Variants in FUT8 observed in about 807,000 individuals in gnomAD.
The protein encoded by FUT8 is alpha-(1,6)-fucosyltransferase.
Under a neutral mutation model 71.3 loss-of-function variants are expected in FUT8, and 29 were observed. The observed-to-expected ratio is 0.41, with a 90% CI of 0.30 to 0.55. The LOEUF is 0.55. FUT8 is among the 20% of genes least tolerant of loss of function. The pLI is 0.34. For synonymous variants in FUT8, 254 were observed against 239.3 expected, an observed-to-expected ratio of 1.06 and a Z score of -0.57; for missense variants, 544 against 702.1, an observed-to-expected ratio of 0.77 and a Z score of 2.55.
At chr14:65,653,845 GA>G (rs1412515356) in intron 6 of FUT8, among the ~76,000 whole-genome samples, 2 of 152,146 alleles carry the variant, frequency 1.3e-5, no homozygotes, top group African/African-American at 4.8e-5. Flanking sequence ...ACCTTGTGCT[GA>G]AAGGAAAGAA....
Position 65,660,135 on chromosome 14 carries a change from TG to T in FUT8, c.598-9106del, listed in dbSNP as rs1173629471. Among the ~76,000 whole-genome samples, 3 of 152,180 alleles carry T rather than the reference TG, an allele frequency of 2.0e-5. No homozygotes were observed. The highest frequency in any genetic ancestry group is 4.4e-5 in the Non-Finnish European group (3 of 68,026). The stretch of plus-strand genomic sequence containing the variant: ...TCATTAATTATCTGCCTTTCCTTTG[TG>T]GCCCTTCTGATGGCAGAAAAATATT... On this transcript the variant is annotated intron_variant, in intron 6 of 10. Coordinates refer to ENST00000673929, the MANE Select transcript of FUT8 (RefSeq NM_001371533.1). The surrounding 1 kb of genome is among the most constrained non-coding windows in gnomAD (Gnocchi z 4.1).
intron 2 of FUT8, among the ~76,000 whole-genome samples, chr14:65,518,863 G>A (rs1294722541): frequency 1.3e-5 from 2 of 152,106 alleles, no homozygotes; most frequent in South Asian, 2.1e-4. Flanking sequence ...TTGGTGCCTT[G>A]CACATAATAA....
chr14:65,720,080 C>T (rs1895334356), intron 7 of FUT8, among the ~76,000 whole-genome samples: 1 of 152,178 alleles, frequency 6.6e-6, no homozygotes, highest in Non-Finnish European at 1.5e-5. Flanking sequence ...CCAGGCAGGT[C>T]CAGAGATGCC....
chr14:65,610,454 A>G (rs1888827428), intron 3 of FUT8, among the ~76,000 whole-genome samples: 1 of 151,482 alleles, frequency 6.6e-6, no homozygotes, highest in Non-Finnish European at 1.5e-5. Context: ...CAATGGCACA[A>G]TCTCGGCTCA....
chr14:65,575,844 T>C (rs1316243830), intron 3 of FUT8, among the ~76,000 whole-genome samples: 3 of 152,182 alleles, frequency 2.0e-5, no homozygotes, highest in Non-Finnish European at 4.4e-5. Flanking sequence ...GATCTCGAAC[T>C]CCTGGCTTCA....
intron 2 of FUT8, among the ~76,000 whole-genome samples, chr14:65,495,229 A>G (rs1334398002): frequency 2.6e-5 from 4 of 151,796 alleles, no homozygotes; most frequent in African/African-American, 9.7e-5. Flanking sequence ...CATTTAAAAA[A>G]CTATAGCAAA....
chr14:65,365,457 T>C, the FUT8 span, among the ~76,000 whole-genome samples: 5 of 152,026 alleles, frequency 3.3e-5, no homozygotes, highest in Non-Finnish European at 5.9e-5. Flanking sequence ...AAAATGAGGC[T>C]GAGACCTACT....
intron 6 of FUT8, among the ~76,000 whole-genome samples, chr14:65,642,534 C>T (rs536959980): frequency 2.1e-5 from 3 of 142,410 alleles, no homozygotes; most frequent in Non-Finnish European, 4.5e-5. Flanking sequence ...ACCCAGGAGG[C>T]GGAGGCTGCA....
rs762731845 is a variant in FUT8 at position 65,652,077 on chromosome 14, A to G, written c.598-17166A>G. 4.7e-4 allele frequency among the ~76,000 whole-genome samples: 72 copies of G among 152,342 alleles called. No individual in the cohort carries two copies. Among genetic ancestry groups the G allele is most frequent in the Non-Finnish European group, 8.4e-4 (57 of 68,026 alleles). ...GGAATGACAAGGATGGCTGGCAACC[A>G]CCAGAAGCCGGGAGAGAGACATGGA... On this transcript the variant is annotated intron_variant, in intron 6 of 10. Transcript: ENST00000673929. This position sits in a 1 kb window ranked among gnomAD's most constrained non-coding sequence, Gnocchi z 4.0.
In FUT8 at chr14:65,660,833, G is replaced by A. The variant is rs1468236494; in HGVS notation, c.598-8410G>A. Among the ~76,000 whole-genome samples, 1 of 152,066 alleles carries A rather than the reference G, an allele frequency of 6.6e-6. No homozygotes were observed. The highest frequency in any genetic ancestry group is 1.5e-5 in the Non-Finnish European group (1 of 68,010). On this transcript the variant is annotated intron_variant, in intron 6 of 10. Coordinates refer to ENST00000673929, the MANE Select transcript of FUT8 (RefSeq NM_001371533.1). This position sits in a 1 kb window ranked among gnomAD's most constrained non-coding sequence, Gnocchi z 4.1. ...TTAATTACCACAATGGAGTACTTCAGTTCTCTTATTTGCTTCATTACCTTT... is the reference window on the plus strand; with the variant it reads ...TTAATTACCACAATGGAGTACTTCAATTCTCTTATTTGCTTCATTACCTTT...
At chr14:65,537,379 A>G (rs1359461687) in intron 2 of FUT8, among the ~76,000 whole-genome samples, 1 of 151,320 alleles carries the variant, frequency 6.6e-6, no homozygotes, top group Non-Finnish European at 1.5e-5. Context: ...TACTATGATT[A>G]TTATTATTAT....
At chr14:65,382,860 T>C in the FUT8 span, among the ~76,000 whole-genome samples, 2 of 152,156 alleles carry the variant, frequency 1.3e-5, no homozygotes, top group African/African-American at 4.8e-5. Context: ...CTGTAGTATC[T>C]CACTTTCTAT....
At chr14:65,646,957 G>T (rs1891152167) in intron 6 of FUT8, among the ~76,000 whole-genome samples, 1 of 152,152 alleles carries the variant, frequency 6.6e-6, no homozygotes, top group African/African-American at 2.4e-5. Flanking sequence ...TGTGTACTTG[G>T]ATTATGCAAA....
intron 2 of FUT8, among the ~76,000 whole-genome samples, chr14:65,465,157 A>G (rs1000936416): frequency 6.6e-6 from 1 of 151,884 alleles, no homozygotes; most frequent in African/African-American, 2.4e-5. Flanking sequence ...CCTGTTTTCA[A>G]TTTTGCTCTG....
chr14:65,698,223 C>T (rs561243865), intron 7 of FUT8, among the ~76,000 whole-genome samples: 16 of 152,128 alleles, frequency 1.1e-4, no homozygotes, highest in African/African-American at 3.1e-4. Context: ...AAAAATTAAC[C>T]ATAACTTCTT....
At chr14:65,528,065 C>G (rs540828467) in intron 2 of FUT8, among the ~76,000 whole-genome samples, 1 of 152,220 alleles carries the variant, frequency 6.6e-6, no homozygotes, top group African/African-American at 2.4e-5. Flanking sequence ...AACCACTACT[C>G]TCTTCAAAGC....
chr14:65,600,018 A>G (rs1264056291), intron 3 of FUT8, among the ~76,000 whole-genome samples: 1 of 152,226 alleles, frequency 6.6e-6, no homozygotes, highest in Non-Finnish European at 1.5e-5. Flanking sequence ...TGTAGTCTAG[A>G]AAATTTTTTC....
intron 1 of FUT8, among the ~76,000 whole-genome samples, chr14:65,441,347 T>C (rs967580267): frequency 2.0e-4 from 30 of 152,320 alleles, no homozygotes; most frequent in African/African-American, 6.0e-4. Context: ...TTCACAAATT[T>C]TAGAAAAGTA....
chr14:65,371,039 G>A, the FUT8 span, among the ~76,000 whole-genome samples: 10 of 152,280 alleles, frequency 6.6e-5, no homozygotes, highest in Non-Finnish European at 1.2e-4. Context: ...TCTTAGTGCC[G>A]TCTCTGGGCC....
Sources: gnomAD v4.1 joint callset for allele counts (sites outside exome capture counted in the v4.1 genomes callset) on GRCh38, gnomAD v4.1.1 for gene constraint, Gnocchi (gnomAD v3.1) non-coding constraint, MANE v1.5 for transcripts, NCBI Gene and HGNC (gene_info 2026-07-23, HGNC 2026-07-21) for gene names.